Variants in MS4A6E observed in about 807,000 individuals in gnomAD.
The protein encoded by MS4A6E is membrane spanning 4-domains A6E.
A neutral mutation model predicts 13.2 loss-of-function variants in MS4A6E; 8 were observed. That is an observed-to-expected ratio of 0.60 (90% CI 0.35 to 1.09). The LOEUF (loss-of-function observed/expected upper bound fraction) is 1.09, where lower values mean the gene tolerates loss of function less well. Ranked by LOEUF, MS4A6E falls within the 50% of genes least tolerant of loss-of-function variation. MS4A6E has a pLI of 0.02. For missense variants in MS4A6E, 177 were observed against 171.1 expected (o/e 1.03, Z -0.19); for synonymous variants, 72 against 67.6 (o/e 1.06, Z -0.32).
chr11:60,330,424 C>G (rs1445878439), intron 1 of MS4A6E, among the ~76,000 whole-genome samples: 4 of 137,914 alleles, frequency 2.9e-5, no homozygotes, highest in Admixed American at 7.9e-5. Context: ...TCACTGCAAG[C>G]TCCGCCTCCC....
At chr11:60,343,790 T>C (rs530315382), downstream of MS4A6E, among the ~76,000 whole-genome samples, 4 of 152,354 alleles carry the variant, frequency 2.6e-5, no homozygotes, top group Non-Finnish European at 4.4e-5. Context: ...TTTTTTGTCA[T>C]TGATGTCCAG....
intron 2 of MS4A6E, 112 bp downstream of exon 2, chr11:60,335,154 A>G: frequency 6.9e-7 from 1 of 1,457,984 alleles, no homozygotes; most frequent in Non-Finnish European, 9.2e-7. Context: ...GTTTTGCTGG[A>G]GGGACTTTGG....
At chr11:60,336,433 A>G (rs757571782) in intron 2 of MS4A6E, among the ~76,000 whole-genome samples, 3 of 152,202 alleles carry the variant, frequency 2.0e-5, no homozygotes, top group Non-Finnish European at 4.4e-5. Context: ...TACTCCAGAG[A>G]ACAATCCCAC....
chr11:60,339,207 T>G (rs2085208244), intron 3 of MS4A6E, among the ~76,000 whole-genome samples: 1 of 152,182 alleles, frequency 6.6e-6, no homozygotes. Flanking sequence ...TCCTTGTGAG[T>G]TGGTGTTGGT....
chr11:60,347,188 T>C (rs1431862471), intron 4 of MS4A6E, among the ~76,000 whole-genome samples: 1 of 152,180 alleles, frequency 6.6e-6, no homozygotes, highest in African/African-American at 2.4e-5. Context: ...TCAGTAGCTG[T>C]CTCAGATTGT....
chr11:60,337,240 T>C (rs1269834480), intron 2 of MS4A6E, among the ~76,000 whole-genome samples: 1 of 152,182 alleles, frequency 6.6e-6, no homozygotes, highest in African/African-American at 2.4e-5. Flanking sequence ...AGCTATTAGG[T>C]TGGTGCAAAG....
intron 4 of MS4A6E, among the ~76,000 whole-genome samples, chr11:60,346,866 T>C (rs2085258236): frequency 1.3e-5 from 2 of 152,232 alleles, no homozygotes. Context: ...GCTTTTCAGC[T>C]GCGGTGAGGG....
At chr11:60,341,756 C>A (rs1190904044), downstream of MS4A6E, among the ~76,000 whole-genome samples, 2 of 152,166 alleles carry the variant, frequency 1.3e-5, no homozygotes, top group African/African-American at 2.4e-5. Flanking sequence ...AGTTTCTCTG[C>A]TCTTTTTTTC....
At chr11:60,339,443 G>A (rs1271082476) in intron 3 of MS4A6E, among the ~76,000 whole-genome samples, 1 of 152,154 alleles carries the variant, frequency 6.6e-6, no homozygotes, top group African/African-American at 2.4e-5. Context: ...TGATACATGA[G>A]GAAACAGGAG....
intron 1 of MS4A6E, among the ~76,000 whole-genome samples, chr11:60,330,582 G>T (rs564103228): frequency 6.7e-6 from 1 of 150,234 alleles, no homozygotes; most frequent in Non-Finnish European, 1.5e-5. Flanking sequence ...CTCGTGATCC[G>T]CCCACCTCGG....
At chr11:60,347,211 T>A (rs896775820) in intron 4 of MS4A6E, among the ~76,000 whole-genome samples, 7 of 152,174 alleles carry the variant, frequency 4.6e-5, no homozygotes, top group African/African-American at 1.7e-4. Context: ...CCCTGGAATA[T>A]GCTTTAGTTT....
intron 2 of MS4A6E, among the ~76,000 whole-genome samples, chr11:60,336,972 C>A (rs557766157): frequency 4.1e-4 from 63 of 152,316 alleles, no homozygotes; most frequent in African/African-American, 1.5e-3. Context: ...AGGGAACAAG[C>A]TGGGTCAAGT....
downstream of MS4A6E, among the ~76,000 whole-genome samples, chr11:60,344,939 G>A (rs2085249321): frequency 3.3e-5 from 5 of 151,472 alleles, no homozygotes; most frequent in Admixed American, 3.3e-4. Flanking sequence ...TTTGTTTTTT[G>A]TTTTTTGTTT....
chr11:60,335,388 A>G (rs2085182136), intron 2 of MS4A6E: 3 of 375,874 alleles, frequency 8.0e-6, no homozygotes, highest in South Asian at 4.3e-5. Flanking sequence ...ATGCTTAACA[A>G]TCCACACTGA....
intron 2 of MS4A6E, 28 bp from the exon 3 acceptor site, chr11:60,337,713 T>C: frequency 6.2e-7 from 1 of 1,613,148 alleles, no homozygotes; most frequent in South Asian, 1.1e-5. Flanking sequence ...CCTTTGGGAA[T>C]GATTCTTACC....
downstream of MS4A6E, among the ~76,000 whole-genome samples, chr11:60,342,204 G>GC (rs1262363349): frequency 1.0e-5 from 1 of 98,196 alleles, no homozygotes; most frequent in Non-Finnish European, 2.0e-5. Flanking sequence ...AGAGAGAGGG[G>GC]GGGGGAGAGA....
downstream of MS4A6E, among the ~76,000 whole-genome samples, chr11:60,342,040 A>T (rs1437413708): frequency 1.5e-4 from 23 of 152,144 alleles, no homozygotes; most frequent in Non-Finnish European, 1.5e-5. Flanking sequence ...GAAGTTAGGG[A>T]TTTCGCTAAC....
intron 2 of MS4A6E, among the ~76,000 whole-genome samples, chr11:60,337,462 T>C (rs1232062850): frequency 6.6e-6 from 1 of 152,118 alleles, no homozygotes; most frequent in African/African-American, 2.4e-5. Flanking sequence ...CCCTGCTATC[T>C]GTCCCAGGGA....
downstream of MS4A6E, among the ~76,000 whole-genome samples, chr11:60,344,077 T>C (rs2085245373): frequency 6.6e-6 from 1 of 152,182 alleles, no homozygotes; most frequent in South Asian, 2.1e-4. Context: ...AGAGGTTACA[T>C]GCTCAACCAA....
Sources: gnomAD v4.1 joint callset for allele counts (sites outside exome capture counted in the v4.1 genomes callset) on GRCh38, gnomAD v4.1.1 for gene constraint, MANE v1.5 for transcripts, NCBI Gene and HGNC (gene_info 2026-07-23, HGNC 2026-07-21) for gene names.